Variants in MUC5AC observed in about 807,000 individuals in gnomAD.
The protein encoded by MUC5AC is mucin-5AC.
A neutral mutation model predicts 169.7 loss-of-function variants in MUC5AC; 158 were observed. That is an observed-to-expected ratio of 0.93 (90% confidence interval 0.82 to 1.06). The LOEUF (loss-of-function observed/expected upper bound fraction) is 1.06, where lower values mean the gene tolerates loss of function less well. Ranked by LOEUF, MUC5AC falls within the 50% of genes least tolerant of loss-of-function variation. The probability of loss-of-function intolerance (pLI) is 0.00; values close to 1 mark genes in which losing one functional copy is unlikely to be tolerated. For synonymous variants in MUC5AC, 1,975 were observed against 1,237.0 expected (o/e 1.60, Z -12.52); for missense variants, 4,359 against 3,089.9 (o/e 1.41, Z -9.74).
In MUC5AC at chr11:1,183,713, C is replaced by T. The variant is rs1860863000; in HGVS notation, c.5568C>T (p.Thr1856=). 1.6e-6 allele frequency: 1 copy of T among 616,048 alleles called. No homozygotes were observed. The highest frequency in any genetic ancestry group is 2.2e-5 in the South Asian group (1 of 45,262). 38.2% of individuals were successfully genotyped at this position (616,048 alleles called of 1,614,324 possible). The stretch of plus-strand genomic sequence containing the variant: ...ACATGACCTCCACACCTGGCTCCAC[C>T]TCTAGCAGTCCAGCCCAGACCACTC... ...GCHMTSTPGS[T]SSSPAQTTPS... is the part of the protein sequence containing the mutation. Residue 1856 remains threonine (T), a synonymous_variant, in exon 31 of 49, where the codon ACC becomes ACT. Transcript: ENST00000621226.
intron 2 of MUC5AC, 42 bp from the exon 3 acceptor site, chr11:1,161,485 C>T (rs761537944): frequency 9.9e-6 from 15 of 1,515,418 alleles, no homozygotes; most frequent in Admixed American, 8.1e-5. Context: ...CCCCGCCCCA[C>T]GTGGGGCCGT....
intron 3 of MUC5AC, 141 bp downstream of exon 3, chr11:1,161,727 A>G: frequency 7.7e-7 from 1 of 1,295,254 alleles, no homozygotes; most frequent in Non-Finnish European, 1.0e-6. Context: ...AGGGCCCAGC[A>G]TCTCCCTGCA....
intron 19 of MUC5AC, among the ~76,000 whole-genome samples, chr11:1,175,780 A>C (rs1860663357): frequency 1.1e-5 from 1 of 93,418 alleles, no homozygotes. Flanking sequence ...TCACACACCC[A>C]CATGCACACG....
In MUC5AC at chr11:1,196,411, G is replaced by A. The variant is rs112133848; in HGVS notation, c.15661G>A (p.Val5221Met). 5.2e-6 allele frequency: 4 copies of A among 764,960 alleles called. No homozygotes were observed. The Admixed American group carries it at 6.8e-5, about 13-fold the overall frequency. 47.4% of individuals were successfully genotyped at this position (764,960 alleles called of 1,614,324 possible). A position where few individuals can be genotyped will look rare whatever the true frequency, so the allele number is the denominator to read the frequency against. ...MCPFTCPADK[V>M]YQPCGPSNPS... ...AGCATTCACCTGCCCAGCCGACAAG[G>A]TGTACCAGCCCTGCGGCCCGAGCAA... Residue 5221 changes from valine (V) to methionine (M), a missense_variant, in exon 38 of 49, where the codon GTG (valine) becomes ATG (methionine). By Grantham distance (21) the Val-to-Met change is conservative. Coordinates refer to ENST00000621226, the MANE Select transcript of MUC5AC (RefSeq NM_001304359.2).
At chr11:1,159,147 C>T (rs1391155284) in intron 1 of MUC5AC, among the ~76,000 whole-genome samples, 1 of 152,176 alleles carries the variant, frequency 6.6e-6, no homozygotes, top group Non-Finnish European at 1.5e-5. Context: ...AACACCCCTC[C>T]GCCCACTGAC....
In MUC5AC at chr11:1,194,228, C is replaced by T. The variant is rs1434649609; in HGVS notation, c.14874C>T (p.Phe4958=). The part of the protein sequence containing the change: ...VQQIVPVYGH[F]RVLVDNYFCG... ...AGATTGTGCCCGTGTATGGCCACTTCCGCGTGCTCGTCGACAACTACTTCT... is the reference window on the plus strand; with the variant it reads ...AGATTGTGCCCGTGTATGGCCACTTTCGCGTGCTCGTCGACAACTACTTCT... Residue 4958 remains phenylalanine (F), a synonymous_variant, in exon 34 of 49, where the codon TTC becomes TTT. Coordinates refer to ENST00000621226, the MANE Select transcript of MUC5AC (RefSeq NM_001304359.2). 1 of 765,024 alleles carries T rather than the reference C, an allele frequency of 1.3e-6. No individual in the cohort carries two copies. Among genetic ancestry groups the T allele is most frequent in the East Asian group, 2.4e-5 (1 of 41,246 alleles). The allele number at this position is 765,024 out of a possible 1,614,324, so 47.4% of individuals were successfully genotyped here.
rs1197450633 is a variant in MUC5AC, at chr11:1,198,016, G to C, written c.16135+12G>C. On this transcript the variant is annotated intron_variant, in intron 42 of 48. Coordinates refer to ENST00000621226, the MANE Select transcript of MUC5AC (RefSeq NM_001304359.2). ...AGTCCAAAACTGCAGTGAGTGGCCT[G>C]GACCAGGCCCTGTCAGGGGCCGTGG... 2 of 671,132 alleles carry C rather than the reference G, an allele frequency of 3.0e-6. No homozygotes were observed. The highest frequency in any genetic ancestry group is 3.6e-5 in the African/African-American group (2 of 56,218). The allele number at this position is 671,132 out of a possible 1,614,324, so 41.6% of individuals were successfully genotyped here. A position where few individuals can be genotyped will look rare whatever the true frequency, so the allele number is the denominator to read the frequency against.
intron 15 of MUC5AC, 121 bp downstream of exon 15, chr11:1,169,147 C>T (rs76498418): frequency 0.12 from 165,979 of 1,412,222 alleles, 10,743 homozygotes; most frequent in Middle Eastern, 0.17. Context: ...TGGGGTGGCT[C>T]ACGAAGGGGC....
In MUC5AC at chr11:1,195,957, C is replaced by T. The variant is rs1178430572; in HGVS notation, c.15540C>T (p.Asp5180=). 2 of 764,890 alleles carry T rather than the reference C, an allele frequency of 2.6e-6. No homozygotes were observed. Among genetic ancestry groups the T allele is most frequent in the East Asian group, 2.4e-5 (1 of 41,254 alleles). The allele number at this position is 764,890 out of a possible 1,614,324, so 47.4% of individuals were successfully genotyped here. A position where few individuals can be genotyped will look rare whatever the true frequency, so the allele number is the denominator to read the frequency against. The change falls in exon 37 of 49, where the codon GAC becomes GAT. Residue 5180 remains aspartate (D), a synonymous_variant. Transcript: ENST00000621226. The part of the protein sequence containing the change: ...GCVFDRCHMT[D]LDVVCSSLEL... ...TCTTTGACCGGTGCCACATGACGGA[C>T]CTGGATGTGGTGTGCTCCAGCCTGG... is the stretch of plus-strand genomic sequence containing the variant.
Position 1,186,609 on chromosome 11 carries a change from T to C in MUC5AC, c.8464T>C (p.Ser2822Pro), listed in dbSNP as rs1354559550. ...TTCCACACCACAGACCAGCACAACT[T>C]CGGCTCCTACAACCAGCACAACTTC... Reference protein sequence around the residue: ...TTSTPQTSTTSAPTTSTTSGP... With the variant: ...TTSTPQTSTTPAPTTSTTSGP... Residue 2822 changes from serine (S) to proline (P), a missense_variant, in exon 31 of 49, where the codon TCG becomes CCG. Physicochemically the swap from Ser to Pro is moderately conservative, Grantham distance 74 (BLOSUM62 -1). Transcript: ENST00000621226. 1 of 716,614 alleles carries C rather than the reference T, an allele frequency of 1.4e-6. No individual in the cohort carries two copies. Among genetic ancestry groups the C allele is most frequent in the Non-Finnish European group, 2.5e-6 (1 of 393,376 alleles). 44.4% of individuals were successfully genotyped at this position (716,614 alleles called of 1,614,324 possible). A position where few individuals can be genotyped will look rare whatever the true frequency, so the allele number is the denominator to read the frequency against.
chr11:1,174,673 C>T, intron 17 of MUC5AC, 51 bp downstream of exon 17: 1 of 736,708 alleles, frequency 1.4e-6, no homozygotes, highest in Non-Finnish European at 2.2e-6. Context: ...GGCCGCGGGT[C>T]TTGGGGTGCC....
At chr11:1,160,885 C>A (rs1860123226) in intron 2 of MUC5AC, among the ~76,000 whole-genome samples, 196 bp downstream of exon 2, 1 of 152,242 alleles carries the variant, frequency 6.6e-6, no homozygotes. Flanking sequence ...CTTGGGCCAG[C>A]CCCCTGCAGC....
chr11:1,187,302 A>G lies in MUC5AC; in HGVS notation c.9157A>G (p.Thr3053Ala), dbSNP rs1179745332. The G allele has an allele frequency of 1.7e-5, 12 of 701,048 alleles. No homozygotes were observed. Among genetic ancestry groups the G allele is most frequent in the Middle Eastern group, 2.3e-4 (1 of 4,346 alleles). 43.4% of individuals were successfully genotyped at this position (701,048 alleles called of 1,614,324 possible). ...STTSSPQTSTTSASTTSITSG... is the reference protein window; with the variant it reads ...STTSSPQTSTASASTTSITSG... ...AACCTCCTCTCCACAGACCAGCACA[A>G]CCTCGGCTTCTACCACCAGCATAAC... Residue 3053 changes from threonine (T) to alanine (A), a missense_variant, in exon 31 of 49, where the codon ACC (threonine) becomes GCC (alanine). Coordinates refer to ENST00000621226, the MANE Select transcript of MUC5AC (RefSeq NM_001304359.2).
chr11:1,163,966 C>G lies in MUC5AC; in HGVS notation c.764C>G (p.Pro255Arg). 1 of 1,611,154 alleles carries G rather than the reference C, an allele frequency of 6.2e-7. No homozygotes were observed. The highest frequency in any genetic ancestry group is 8.5e-7 in the Non-Finnish European group (1 of 1,179,300). Residue 255 changes from proline to arginine, a missense_variant, in exon 7 of 49, where the codon CCC (proline) becomes CGC (arginine). Pro to Arg is a moderately radical substitution (Grantham distance 103). Coordinates refer to ENST00000621226, the MANE Select transcript of MUC5AC (RefSeq NM_001304359.2). ...TDQCQDPVPE[P>R]PRNCSTGFGI... ...CAGTGTCAGGACCCTGTCCCTGAAC[C>G]CCCGAGGAACTGCTCCACTGGCTTT...
At chr11:1,167,389 T>G (rs1183732492) in intron 11 of MUC5AC, among the ~76,000 whole-genome samples, 20 of 152,004 alleles carry the variant, frequency 1.3e-4, no homozygotes. Flanking sequence ...AATACACAGT[T>G]TCCCTATGAT....
chr11:1,192,478 C>G lies in MUC5AC; in HGVS notation c.14333C>G (p.Ser4778Cys). The G allele has an allele frequency of 1.3e-6, 1 of 765,034 alleles. No individual in the cohort carries two copies. The allele number at this position is 765,034 out of a possible 1,614,324, so 47.4% of individuals were successfully genotyped here. A position where few individuals can be genotyped will look rare whatever the true frequency, so the allele number is the denominator to read the frequency against. The change falls in exon 31 of 49, where the codon TCC becomes TGC. Residue 4778 changes from serine to cysteine, a missense_variant. Physicochemically the swap from Ser to Cys is moderately radical, Grantham distance 112 (BLOSUM62 -1). Transcript: ENST00000621226. Reference protein sequence around the residue: ...SSVASSSVAYSTQTCFCNVAD... With the variant: ...SSVASSSVAYCTQTCFCNVAD... ...GTGGCATCCAGCTCTGTGGCTTACT[C>G]CACCCAAACCTGCTTCTGCAACGTG...
rs748170322 is a variant in MUC5AC, at chr11:1,194,555, C to T, written c.15075C>T (p.Gly5025=). The change falls in exon 35 of 49, where the codon GGC becomes GGT. Residue 5025 remains glycine, a synonymous_variant. Coordinates refer to ENST00000621226, the MANE Select transcript of MUC5AC (RefSeq NM_001304359.2). ...RKNGIVVSRI[G]VKMYATIPEL... Reference sequence around the variant, plus strand: ...ACGGCATCGTGGTCTCGCGCATCGGCGTCAAGATGTACGCGACCATCCCGG... The same window carrying T: ...ACGGCATCGTGGTCTCGCGCATCGGTGTCAAGATGTACGCGACCATCCCGG... The T allele has an allele frequency of 9.2e-6, 7 of 764,178 alleles. No homozygotes were observed. The highest frequency in any genetic ancestry group is 8.1e-5 in the South Asian group (6 of 74,458). 47.3% of individuals were successfully genotyped at this position (764,178 alleles called of 1,614,324 possible).
chr11:1,200,494 G>T lies in MUC5AC; in HGVS notation c.16757G>T (p.Arg5586Leu), dbSNP rs773419858. Residue 5586 changes from arginine (R) to leucine (L), a missense_variant, in exon 49 of 49, where the codon CGG (arginine) becomes CTG (leucine). Transcript: ENST00000621226. ...AGGTGCCAGTGCTGCCAGGAGCTGCGGACCTCGCTGAGGAATGTGACCCTG... is the reference window on the plus strand; with the variant it reads ...AGGTGCCAGTGCTGCCAGGAGCTGCTGACCTCGCTGAGGAATGTGACCCTG... ...EHRCQCCQEL[R>L]TSLRNVTLHC... 2.6e-5 allele frequency: 19 copies of T among 743,160 alleles called. No homozygotes were observed. Among genetic ancestry groups the T allele is most frequent in the Non-Finnish European group, 4.9e-6 (2 of 407,746 alleles). The allele number at this position is 743,160 out of a possible 1,614,324, so 46.0% of individuals were successfully genotyped here. A position where few individuals can be genotyped will look rare whatever the true frequency, so the allele number is the denominator to read the frequency against.
rs1366216314 is a variant in MUC5AC, at chr11:1,189,464, C to A, written c.11319C>A (p.Thr3773=). The A allele has an allele frequency of 3.0e-5, 17 of 566,224 alleles. No individual in the cohort carries two copies. The highest frequency in any genetic ancestry group is 5.3e-5 in the Non-Finnish European group (17 of 320,272). The allele number at this position is 566,224 out of a possible 1,614,324, so 35.1% of individuals were successfully genotyped here. ...APTSTSSAPT[T]NTTSAPTTST... ...CGAGCACTTCCTCGGCTCCTACAAC[C>A]AACACAACCTCTGCCCCTACAACTA... The change falls in exon 31 of 49, where the codon ACC becomes ACA. Residue 3773 remains threonine (T), a synonymous_variant. Transcript: ENST00000621226.
Sources: allele counts gnomAD v4.1 joint callset (sites outside exome capture counted in the v4.1 genomes callset), GRCh38; gene constraint gnomAD v4.1.1; transcripts MANE v1.5; gene names NCBI Gene and HGNC (gene_info 2026-07-23, HGNC 2026-07-21).